AP3B1: variants seen among roughly 807,000 people sequenced by gnomAD.
AP3B1 encodes the protein AP-3 complex subunit beta-1.
In AP3B1, 61 loss-of-function variants were observed where a neutral mutation model predicts 132.5. That is an observed-to-expected ratio of 0.46 (90% CI 0.37 to 0.57). The LOEUF (loss-of-function observed/expected upper bound fraction) is 0.57, where lower values mean the gene tolerates loss of function less well. Among genes scored for constraint, AP3B1 ranks in the 20% least tolerant of loss-of-function variants. AP3B1 has a pLI of 0.00. For synonymous variants in AP3B1, 388 were observed against 438.3 expected, an observed-to-expected ratio of 0.89 and a Z score of 1.43; for missense variants, 1,120 against 1,289.4, an observed-to-expected ratio of 0.87 and a Z score of 2.01.
At chr5:78,123,962 C>T (rs550683086) in intron 17 of AP3B1, among the ~76,000 whole-genome samples, 121 of 152,204 alleles carry the variant, frequency 7.9e-4, no homozygotes, top group Non-Finnish European at 1.4e-3. Flanking sequence ...TGTCCAACAA[C>T]GACAGACTGG....
chr5:78,259,091 C>CA (rs1208549660), intron 2 of AP3B1, among the ~76,000 whole-genome samples: 3 of 151,584 alleles, frequency 2.0e-5, no homozygotes, highest in Admixed American at 1.3e-4. Context: ...CAAAAAAATA[C>CA]AAAAAAATTA....
At chr5:78,192,954 T>C (rs1270251735) in intron 7 of AP3B1, among the ~76,000 whole-genome samples, 4 of 152,218 alleles carry the variant, frequency 2.6e-5, no homozygotes, top group Admixed American at 2.0e-4. Context: ...CTAGGACATT[T>C]TTGTTACAGT....
chr5:78,194,547 A>C (rs1399675327), intron 7 of AP3B1, among the ~76,000 whole-genome samples: 1 of 152,166 alleles, frequency 6.6e-6, no homozygotes, highest in Non-Finnish European at 1.5e-5. Flanking sequence ...CTATTACAAA[A>C]AGACAGAACC....
At chr5:78,091,372 T>A (rs144849858) in intron 21 of AP3B1, among the ~76,000 whole-genome samples, 67 of 148,124 alleles carry the variant, frequency 4.5e-4, no homozygotes, top group Middle Eastern at 3.6e-3. Context: ...TCTCAACATA[T>A]ATAATAGAGA....
At chr5:78,076,712 G>A (rs1481878506) in intron 22 of AP3B1, among the ~76,000 whole-genome samples, 1 of 152,188 alleles carries the variant, frequency 6.6e-6, no homozygotes, top group Non-Finnish European at 1.5e-5. Context: ...GTTCAACCAT[G>A]TGGCAATATT....
At chr5:78,092,877 C>T (rs1481792241) in intron 21 of AP3B1, among the ~76,000 whole-genome samples, 2 of 152,034 alleles carry the variant, frequency 1.3e-5, no homozygotes, top group African/African-American at 4.8e-5. Context: ...CTCGAACTCC[C>T]AACTTCAAGC....
intron 25 of AP3B1, among the ~76,000 whole-genome samples, chr5:78,016,883 A>G (rs899062815): frequency 8.5e-5 from 13 of 152,274 alleles, no homozygotes; most frequent in Admixed American, 7.8e-4. Flanking sequence ...AGTGGCTGAC[A>G]TAACACTGCT....
chr5:78,053,662 G>C lies in AP3B1; in HGVS notation c.2578-14388C>G, dbSNP rs1450296670. 5.5e-5 allele frequency among the ~76,000 whole-genome samples: 7 copies of C among 126,602 alleles called. No individual in the cohort carries two copies. The East Asian group carries it at 1.4e-3, about 25-fold the overall frequency. 83.1% of individuals were successfully genotyped at this position (126,602 alleles called of 152,430 possible). A position where few individuals can be genotyped will look rare whatever the true frequency, so the allele number is the denominator to read the frequency against. ...ACCATTGTACTCCAGCCTGGTGATA[G>C]AGCAAGACTCCATCTCAAAAAAAAA... is the stretch of plus-strand genomic sequence containing the variant. On this transcript the variant is annotated intron_variant, in intron 22 of 26. Transcript: ENST00000255194.
At chr5:78,035,233 T>G (rs1747757068) in intron 23 of AP3B1, among the ~76,000 whole-genome samples, 1 of 151,978 alleles carries the variant, frequency 6.6e-6, no homozygotes, top group African/African-American at 2.4e-5. Flanking sequence ...AAAGTTTAGC[T>G]ATATCTTAGA....
intron 7 of AP3B1, among the ~76,000 whole-genome samples, chr5:78,185,109 G>T (rs192308349): frequency 2.2e-3 from 328 of 152,198 alleles, no homozygotes; most frequent in Admixed American, 6.6e-3. Context: ...CTTATATCTA[G>T]CAAAAATATA....
rs146797875 is a variant in AP3B1, at chr5:78,154,419, G to A, written c.1473+1839C>T. On this transcript the variant is annotated intron_variant, in intron 14 of 26. Transcript: ENST00000255194. ...TGGGAGTCTGATTATTAAATGTCTC[G>A]AGGTAGGCTTCTTTGGGTTAAATCT... 4.5e-3 allele frequency among the ~76,000 whole-genome samples: 690 copies of A among 152,062 alleles called. 2 individuals are homozygous for A. Among genetic ancestry groups the A allele is most frequent in the South Asian group, 0.013 (61 of 4,814 alleles).
chr5:78,150,427 C>G (rs1019185624), intron 14 of AP3B1, among the ~76,000 whole-genome samples: 2 of 152,156 alleles, frequency 1.3e-5, no homozygotes, highest in African/African-American at 4.8e-5. Context: ...TTGGAAAAGG[C>G]ATAGTTAATG....
chr5:78,227,322 A>G (rs1746437426), intron 5 of AP3B1, 50 bp downstream of exon 5: 2 of 1,579,826 alleles, frequency 1.3e-6, no homozygotes, highest in Non-Finnish European at 1.7e-6. Flanking sequence ...GGTCTATAAC[A>G]TTCCATGTAA....
intron 24 of AP3B1, among the ~76,000 whole-genome samples, chr5:78,022,679 A>G (rs1747155097): frequency 6.6e-6 from 1 of 152,202 alleles, no homozygotes; most frequent in Non-Finnish European, 1.5e-5. Context: ...GATTTTTGGC[A>G]TAGGAAGGTA....
chr5:78,167,630 TATACAC>T (rs1411715453), intron 11 of AP3B1, among the ~76,000 whole-genome samples: 1 of 150,694 alleles, frequency 6.6e-6, no homozygotes, highest in African/African-American at 2.5e-5. Context: ...ATGTTATATA[TATACAC>T]ACACACACAC....
chr5:78,284,712 A>C (rs1398276596), intron 1 of AP3B1, among the ~76,000 whole-genome samples: 1 of 152,188 alleles, frequency 6.6e-6, no homozygotes, highest in Non-Finnish European at 1.5e-5. Context: ...CTGGATATTG[A>C]AATTAGGGTT....
chr5:78,219,502 T>C (rs1175321235), intron 6 of AP3B1, among the ~76,000 whole-genome samples: 2 of 151,986 alleles, frequency 1.3e-5, no homozygotes, highest in Non-Finnish European at 2.9e-5. Flanking sequence ...AAAATTCATA[T>C]AAAGAAAAAT....
At chr5:78,262,801 C>A (rs1177905984) in intron 2 of AP3B1, among the ~76,000 whole-genome samples, 3 of 151,752 alleles carry the variant, frequency 2.0e-5, no homozygotes, top group South Asian at 2.1e-4. Flanking sequence ...GCCTCCCAAG[C>A]AGCTGGGACC....
chr5:78,074,549 C>T (rs1749678842), intron 22 of AP3B1, among the ~76,000 whole-genome samples: 1 of 152,130 alleles, frequency 6.6e-6, no homozygotes, highest in South Asian at 2.1e-4. Context: ...CTTACAATTT[C>T]TCCCTCTTCC....
Sources: gnomAD v4.1 joint callset for allele counts (sites outside exome capture counted in the v4.1 genomes callset) on GRCh38, gnomAD v4.1.1 for gene constraint, MANE v1.5 for transcripts, NCBI Gene and HGNC (gene_info 2026-07-23, HGNC 2026-07-21) for gene names.